LRRC37A2: variants seen among roughly 807,000 people sequenced by gnomAD.
LRRC37A2 encodes the protein leucine-rich repeat-containing protein 37A2.
Under a neutral mutation model 68.8 loss-of-function variants are expected in LRRC37A2, and 9 were observed. The observed-to-expected ratio is 0.13, with a 90% confidence interval of 0.08 to 0.23. LRRC37A2 has a LOEUF of 0.23. LRRC37A2 is among the 10% of genes least tolerant of loss of function. LRRC37A2 has a pLI of 1.00. For missense variants in LRRC37A2, 168 were observed against 950.4 expected (o/e 0.18, Z 10.82); for synonymous variants, 63 against 367.6 (o/e 0.17, Z 9.48).
chr17:46,516,316 A>T lies in LRRC37A2; in HGVS notation c.2609+995A>T, dbSNP rs2051310345. ...AGACTCCATCTCAAAAAAAAAAATG[A>T]TAGGAGGGAAGAAAGAGAATAGGCA... is the stretch of plus-strand genomic sequence containing the variant. On this transcript the variant is annotated intron_variant, in intron 2 of 14. Transcript: ENST00000576629. Among the ~76,000 whole-genome samples, 2 of 81,986 alleles carry T rather than the reference A, an allele frequency of 2.4e-5. 1 individual carries two copies. Among genetic ancestry groups the T allele is most frequent in the African/African-American group, 7.8e-5 (2 of 25,644 alleles). The allele number at this position is 81,986 out of a possible 152,430, so 53.8% of individuals were successfully genotyped here. A position where few individuals can be genotyped will look rare whatever the true frequency, so the allele number is the denominator to read the frequency against.
chr17:46,800,381 G>A, the LRRC37A2 span, among the ~76,000 whole-genome samples: 1 of 152,198 alleles, frequency 6.6e-6, no homozygotes, highest in East Asian at 1.9e-4. Flanking sequence ...AAAGTGCTGG[G>A]ATTACAGATG....
At chr17:46,391,039 TC>T in the LRRC37A2 span, among the ~76,000 whole-genome samples, 26 of 2,388 alleles carry the variant, frequency 0.011, 1 homozygote, top group East Asian at 0.54. Flanking sequence ...AGTGGCATAA[TC>T]CCAGCTTGTT....
chr17:46,764,189 G>A, the LRRC37A2 span: 1 of 152,476 alleles, frequency 6.6e-6, no homozygotes, highest in Non-Finnish European at 1.5e-5. Context: ...CACCCTCCAG[G>A]CGTCTTGGAA....
At chr17:47,037,993 CTAATTT>C in the LRRC37A2 span, among the ~76,000 whole-genome samples, 12,985 of 152,186 alleles carry the variant, frequency 0.085, 755 homozygotes, top group South Asian at 0.2. Context: ...CCTCTCATTT[CTAATTT>C]TAATAATTTG....
At chr17:46,728,746 A>T in the LRRC37A2 span, 1 of 635,856 alleles carries the variant, frequency 1.6e-6, no homozygotes, top group Non-Finnish European at 2.6e-6. Flanking sequence ...TATTCTGCTT[A>T]TGTAGGGACT....
the LRRC37A2 span, among the ~76,000 whole-genome samples, chr17:46,460,794 G>A: frequency 9.3e-4 from 93 of 100,036 alleles, 32 homozygotes; most frequent in Non-Finnish European, 2.6e-4. Flanking sequence ...TTAAGAGAGA[G>A]TAAGAGAGAG....
chr17:46,746,138 G>C, the LRRC37A2 span, among the ~76,000 whole-genome samples: 518 of 152,300 alleles, frequency 3.4e-3, no homozygotes, highest in African/African-American at 0.012. Context: ...TGGAAGGTCT[G>C]TTGCATATTC....
chr17:46,988,224 ACT>A, the LRRC37A2 span, among the ~76,000 whole-genome samples: 1 of 152,238 alleles, frequency 6.6e-6, no homozygotes, highest in Non-Finnish European at 1.5e-5. Context: ...AAGAAGCCAG[ACT>A]CAAAAAATAA....
At chr17:46,997,507 G>A in the LRRC37A2 span, among the ~76,000 whole-genome samples, 4 of 152,166 alleles carry the variant, frequency 2.6e-5, no homozygotes, top group Non-Finnish European at 5.9e-5. Context: ...CTAAGAACAA[G>A]TCTTGCCAAA....
chr17:46,939,046 G>GTGGCTTTTT, the LRRC37A2 span: 1 of 1,266,266 alleles, frequency 7.9e-7, no homozygotes, highest in South Asian at 1.5e-5. Context: ...AATGGCTTTG[G>GTGGCTTTTT]TGGCTTTGTT....
the LRRC37A2 span, chr17:46,932,668 AT>A: frequency 8.3e-6 from 2 of 239,674 alleles, no homozygotes; most frequent in Non-Finnish European, 1.6e-5. Context: ...ATTTGGAGGA[AT>A]TTGTTAACAG....
chr17:46,857,048 C>T, the LRRC37A2 span, among the ~76,000 whole-genome samples: 1 of 152,138 alleles, frequency 6.6e-6, no homozygotes, highest in Non-Finnish European at 1.5e-5. Flanking sequence ...TTATTTTGCT[C>T]AGCATAAAGC....
the LRRC37A2 span, among the ~76,000 whole-genome samples, chr17:46,810,905 G>A: frequency 6.6e-6 from 1 of 151,972 alleles, no homozygotes; most frequent in Admixed American, 6.6e-5. Flanking sequence ...CCCGGAAGCC[G>A]CCCACCTCCT....
chr17:46,842,031 G>A, the LRRC37A2 span, among the ~76,000 whole-genome samples: 156 of 152,260 alleles, frequency 1.0e-3, 1 homozygote, highest in East Asian at 0.015. Context: ...CGCCCTCGGC[G>A]GGGCCTGGGC....
chr17:46,968,940 G>C, the LRRC37A2 span: 1 of 152,460 alleles, frequency 6.6e-6, no homozygotes, highest in African/African-American at 2.4e-5. Flanking sequence ...TTCTCATGAG[G>C]TTGAAAAATG....
At chr17:46,777,306 G>A in the LRRC37A2 span, among the ~76,000 whole-genome samples, 1 of 152,286 alleles carries the variant, frequency 6.6e-6, no homozygotes, top group African/African-American at 2.4e-5. Flanking sequence ...CAGGCCGGCT[G>A]GCTTGGGGGA....
the LRRC37A2 span, chr17:46,923,991 A>G: frequency 7.6e-6 from 3 of 397,030 alleles, no homozygotes; most frequent in South Asian, 1.3e-4. Flanking sequence ...TATACACAAC[A>G]TAAGATTTAC....
At chr17:46,985,822 C>T in the LRRC37A2 span, among the ~76,000 whole-genome samples, 2 of 152,192 alleles carry the variant, frequency 1.3e-5, no homozygotes, top group Non-Finnish European at 2.9e-5. Flanking sequence ...GCTTTATTTA[C>T]AAGAACAGGT....
the LRRC37A2 span, among the ~76,000 whole-genome samples, chr17:46,741,012 T>G: frequency 1.3e-5 from 2 of 152,310 alleles, no homozygotes; most frequent in East Asian, 3.8e-4. Flanking sequence ...GATCAGCCAT[T>G]GCTGATATGG....
Sources: gnomAD v4.1 joint callset for allele counts (sites outside exome capture counted in the v4.1 genomes callset) on GRCh38, gnomAD v4.1.1 for gene constraint, MANE v1.5 for transcripts, NCBI Gene and HGNC (gene_info 2026-07-23, HGNC 2026-07-21) for gene names.